Variants in NAA25 observed in about 807,000 individuals in gnomAD.
The protein encoded by NAA25 is N-alpha-acetyltransferase 25, NatB auxiliary subunit.
Under a neutral mutation model 132.5 loss-of-function variants are expected in NAA25, and 30 were observed. The ratio of observed to expected loss-of-function variants is 0.23; its 90% CI spans 0.17 to 0.31. The LOEUF is 0.31. Among genes scored for constraint, NAA25 ranks in the 10% least tolerant of loss-of-function variants. The probability of loss-of-function intolerance (pLI) is 1.00; values close to 1 mark genes in which losing one functional copy is unlikely to be tolerated. For missense variants in NAA25, 771 were observed against 1,150.4 expected, an observed-to-expected ratio of 0.67 and a Z score of 4.77; for synonymous variants, 359 against 401.9, an observed-to-expected ratio of 0.89 and a Z score of 1.28.
chr12:112,039,537 C>T lies in NAA25; in HGVS notation c.2539-198G>A, dbSNP rs994207697. The stretch of plus-strand genomic sequence containing the variant: ...TCATCATCTCCTGCTCAGAATACTA[C>T]AATGGCCTAACTCTTCAGCATTTCT... On this transcript the variant is annotated intron_variant, in intron 21 of 23. Coordinates refer to ENST00000261745, the MANE Select transcript of NAA25 (RefSeq NM_024953.4). 4 of 411,250 alleles carry T rather than the reference C, an allele frequency of 9.7e-6. No homozygotes were observed. In the Admixed American group the frequency reaches 1.3e-4, roughly 14 times the overall value. The allele number at this position is 411,250 out of a possible 1,614,324, so 25.5% of individuals were successfully genotyped here.
At chr12:112,038,482 A>C (rs1268079857) in intron 22 of NAA25, among the ~76,000 whole-genome samples, 2 of 152,202 alleles carry the variant, frequency 1.3e-5, no homozygotes, top group Non-Finnish European at 1.5e-5. Context: ...ATGAGAGATA[A>C]AACAAATGAG....
chr12:112,098,119 C>CAAAAAAAA (rs60232542), intron 1 of NAA25, among the ~76,000 whole-genome samples: 2 of 54,160 alleles, frequency 3.7e-5, no homozygotes, highest in African/African-American at 5.9e-5. Context: ...GACTCCATCT[C>CAAAAAAAA]AAAAAAAAAA....
chr12:112,044,466 C>T (rs184738760), intron 17 of NAA25, among the ~76,000 whole-genome samples: 161 of 150,390 alleles, frequency 1.1e-3, no homozygotes, highest in African/African-American at 3.6e-3. Context: ...GTCAGGAGAT[C>T]GAGATCATCC....
Position 112,027,217 on chromosome 12 carries a change from A to C in NAA25, c.*2314T>G, listed in dbSNP as rs2078097408. The C allele has an allele frequency of 6.6e-6, 1 of 152,456 alleles. No individual in the cohort carries two copies. The highest frequency in any genetic ancestry group is 1.5e-5 in the Non-Finnish European group (1 of 67,994). 9.4% of individuals were successfully genotyped at this position (152,456 alleles called of 1,614,324 possible). ...ACAAAAAAACCCATACAAATCAAAA[A>C]CAGCAGCAGCAGCAATGGGTTATTT... On this transcript the variant is annotated 3_prime_UTR_variant, in exon 24 of 24. Transcript: ENST00000261745.
chr12:112,076,877 T>A (rs1190758388), intron 7 of NAA25, among the ~76,000 whole-genome samples: 3 of 151,570 alleles, frequency 2.0e-5, no homozygotes, highest in African/African-American at 7.3e-5. Flanking sequence ...ACGCCTGGAG[T>A]CCTAACTATT....
chr12:112,035,699 A>G (rs1365032246), intron 22 of NAA25, among the ~76,000 whole-genome samples: 1 of 132,626 alleles, frequency 7.5e-6, no homozygotes, highest in Non-Finnish European at 1.6e-5. Flanking sequence ...TTTTTTTTTG[A>G]GACAGGGTCT....
intron 7 of NAA25, among the ~76,000 whole-genome samples, chr12:112,077,980 C>A (rs1372838660): frequency 6.6e-6 from 1 of 151,742 alleles, no homozygotes; most frequent in Non-Finnish European, 1.5e-5. Context: ...TAACCTTTCA[C>A]ACTCCTTGAA....
At chr12:112,060,414 C>A in intron 12 of NAA25, 55 bp from the exon 13 acceptor site, 2 of 1,222,672 alleles carry the variant, frequency 1.6e-6, no homozygotes, top group Non-Finnish European at 2.4e-6. Flanking sequence ...ATTACTGACC[C>A]CAAAGGAGTT....
intron 1 of NAA25, among the ~76,000 whole-genome samples, chr12:112,106,748 G>C (rs1021367827): frequency 1.3e-5 from 2 of 150,580 alleles, no homozygotes; most frequent in Non-Finnish European, 3.0e-5. Context: ...GAGCTCAGGA[G>C]TTTTAGACTA....
At chr12:112,043,288 T>C in intron 18 of NAA25, 77 bp from the exon 19 acceptor site, 1 of 1,450,102 alleles carries the variant, frequency 6.9e-7, no homozygotes, top group Non-Finnish European at 9.2e-7. Flanking sequence ...AGGTAACTAG[T>C]AGATAAAAAC....
intron 4 of NAA25, among the ~76,000 whole-genome samples, chr12:112,082,041 A>G (rs2078979871): frequency 6.6e-6 from 1 of 152,190 alleles, no homozygotes; most frequent in Non-Finnish European, 1.5e-5. Context: ...ATCTGAGGTC[A>G]GGAGTTCGAG....
chr12:112,105,473 C>T (rs1026608627), intron 1 of NAA25, among the ~76,000 whole-genome samples: 4 of 152,230 alleles, frequency 2.6e-5, no homozygotes, highest in South Asian at 2.1e-4. Context: ...ACGAAAAATG[C>T]AATACCCAAA....
chr12:112,093,629 C>T (rs1211746608), intron 1 of NAA25, among the ~76,000 whole-genome samples: 2 of 152,184 alleles, frequency 1.3e-5, no homozygotes, highest in African/African-American at 4.8e-5. Context: ...CCTGTAATCC[C>T]AGTACTTTGG....
chr12:112,059,144 G>A (rs2078590531), intron 13 of NAA25, among the ~76,000 whole-genome samples: 1 of 124,754 alleles, frequency 8.0e-6, no homozygotes, highest in Non-Finnish European at 1.6e-5. Flanking sequence ...TTGGTGGCAT[G>A]TGCCTGTAAA....
intron 14 of NAA25, 105 bp from the exon 15 acceptor site, chr12:112,053,762 G>A: frequency 1.6e-6 from 1 of 616,532 alleles, no homozygotes; most frequent in South Asian, 2.3e-5. Flanking sequence ...AAATAGCTAG[G>A]CATAAGAAAA....
At chr12:112,084,834 C>T (rs996793963) in intron 4 of NAA25, among the ~76,000 whole-genome samples, 3 of 151,942 alleles carry the variant, frequency 2.0e-5, no homozygotes, top group Admixed American at 1.3e-4. Context: ...CAGTGGCTCA[C>T]GCCTGTAATC....
chr12:112,060,180 T>C, intron 13 of NAA25, 90 bp downstream of exon 13: 1 of 863,134 alleles, frequency 1.2e-6, no homozygotes, highest in Non-Finnish European at 1.9e-6. Flanking sequence ...ATAAAATTTG[T>C]GGATTGTAAA....
intron 4 of NAA25, among the ~76,000 whole-genome samples, chr12:112,081,572 T>C (rs1189582067): frequency 6.6e-6 from 1 of 152,220 alleles, no homozygotes. Flanking sequence ...CAAAAATTCT[T>C]CTTAGCTTAG....
intron 21 of NAA25, chr12:112,040,236 G>C (rs1404128303): frequency 2.1e-5 from 7 of 328,884 alleles, no homozygotes; most frequent in Non-Finnish European, 3.8e-5. Context: ...TGAATCTGGG[G>C]AAGTTTAGAG....
Sources: gnomAD v4.1 joint callset for allele counts (sites outside exome capture counted in the v4.1 genomes callset) on GRCh38, gnomAD v4.1.1 for gene constraint, MANE v1.5 for transcripts, NCBI Gene and HGNC (gene_info 2026-07-23, HGNC 2026-07-21) for gene names.